Variants in LRRC4C observed in about 807,000 individuals in gnomAD.
The protein encoded by LRRC4C is leucine-rich repeat-containing protein 4C.
Under a neutral mutation model 33.6 loss-of-function variants are expected in LRRC4C, and 5 were observed. The ratio of observed to expected loss-of-function variants is 0.15; its 90% CI spans 0.08 to 0.31. The LOEUF (loss-of-function observed/expected upper bound fraction) is 0.31, where lower values mean the gene tolerates loss of function less well. LRRC4C is among the 10% of genes least tolerant of loss of function. The pLI is 1.00. For synonymous variants in LRRC4C, 329 were observed against 302.0 expected, an observed-to-expected ratio of 1.09 and a Z score of -0.93; for missense variants, 560 against 796.7, an observed-to-expected ratio of 0.70 and a Z score of 3.58.
chr11:40,874,475 T>A (rs1469348174), intron 2 of LRRC4C, among the ~76,000 whole-genome samples: 1 of 152,176 alleles, frequency 6.6e-6, no homozygotes, highest in African/African-American at 2.4e-5. Flanking sequence ...TACTTTGGAA[T>A]GAATAAAGCT....
intron 2 of LRRC4C, among the ~76,000 whole-genome samples, chr11:40,839,531 C>T (rs1365196923): frequency 1.3e-5 from 2 of 152,160 alleles, no homozygotes; most frequent in African/African-American, 4.8e-5. Flanking sequence ...CAGGCGTGAG[C>T]CACCGCGCCT....
intron 3 of LRRC4C, among the ~76,000 whole-genome samples, chr11:40,586,716 A>G (rs1395217894): frequency 7.3e-5 from 11 of 150,418 alleles, no homozygotes; most frequent in Non-Finnish European, 1.6e-4. Flanking sequence ...TCCCAGCACC[A>G]TTTATTAAAT....
chr11:40,335,545 A>G (rs1946559794), intron 3 of LRRC4C, among the ~76,000 whole-genome samples: 1 of 152,232 alleles, frequency 6.6e-6, no homozygotes, highest in Non-Finnish European at 1.5e-5. Flanking sequence ...GTATTATGTG[A>G]TTAGGATGGA....
rs141472108 is a variant in LRRC4C, at chr11:41,004,111, A to G, written c.-495-70388T>C. Among the ~76,000 whole-genome samples the G allele has an allele frequency of 3.8e-3, 585 of 152,296 alleles. 4 individuals carry two copies. Among genetic ancestry groups the G allele is most frequent in the Middle Eastern group, 6.8e-3 (2 of 294 alleles). On this transcript the variant is annotated intron_variant, in intron 1 of 6. Transcript: ENST00000528697. ...CCCATTGTTCACTTCTATTGTCAAT[A>G]GGCCTGTGGTAGGTTGGCACATCAG...
intron 1 of LRRC4C, among the ~76,000 whole-genome samples, chr11:41,227,215 T>C (rs1947580556): frequency 6.6e-6 from 1 of 151,996 alleles, no homozygotes; most frequent in South Asian, 2.1e-4. Context: ...CGAAGTACTA[T>C]GTCATCAGTA....
chr11:41,394,545 T>G (rs532294620), intron 1 of LRRC4C: 11 of 151,860 alleles, frequency 7.2e-5, no homozygotes, highest in African/African-American at 2.7e-4. Flanking sequence ...TCATCAGAAA[T>G]AATGTGGTTA....
chr11:40,640,923 GA>G (rs1565589213), intron 3 of LRRC4C, among the ~76,000 whole-genome samples: 4 of 147,790 alleles, frequency 2.7e-5, no homozygotes, highest in Non-Finnish European at 5.9e-5. Context: ...GGCTGAGGCA[GA>G]AGAATGGCGT....
chr11:40,933,008 T>C (rs1957697772), intron 2 of LRRC4C, among the ~76,000 whole-genome samples: 1 of 152,042 alleles, frequency 6.6e-6, no homozygotes, highest in Non-Finnish European at 1.5e-5. Flanking sequence ...ACAAGAAAAA[T>C]ATGCCAGGGG....
chr11:40,158,129 T>C (rs1858857779), intron 5 of LRRC4C, among the ~76,000 whole-genome samples: 2 of 152,150 alleles, frequency 1.3e-5, no homozygotes, highest in Non-Finnish European at 2.9e-5. Flanking sequence ...TGGATGAGAT[T>C]GGAGACTATT....
At position 41,072,588 on chromosome 11, in the gene LRRC4C, G is replaced by A. The variant is rs117724810; in HGVS notation, c.-495-138865C>T. On this transcript the variant is annotated intron_variant, in intron 1 of 6. Coordinates refer to ENST00000528697, the MANE Select transcript of LRRC4C (RefSeq NM_001258419.2). ...TGATTGTAAGTTTTCTGAGACCTCC[G>A]CAGCCATGCTTCCTGTACAGCCTGT... 1.3e-3 allele frequency among the ~76,000 whole-genome samples: 203 copies of A among 152,024 alleles called. 3 individuals are homozygous for A. In the East Asian group the frequency reaches 0.035, roughly 26 times the overall value.
intron 3 of LRRC4C, among the ~76,000 whole-genome samples, chr11:40,546,982 G>A (rs1956950189): frequency 6.6e-6 from 1 of 152,112 alleles, no homozygotes; most frequent in Admixed American, 6.6e-5. Flanking sequence ...CAGTACTTGG[G>A]TTCGTTACAG....
chr11:40,582,812 C>T (rs1230836302), intron 3 of LRRC4C, among the ~76,000 whole-genome samples: 1 of 145,730 alleles, frequency 6.9e-6, no homozygotes, highest in Non-Finnish European at 1.5e-5. Flanking sequence ...CCCCCACGCC[C>T]AGCCTGTTCA....
At chr11:41,094,568 C>T (rs1001189175) in intron 1 of LRRC4C, among the ~76,000 whole-genome samples, 34 of 151,946 alleles carry the variant, frequency 2.2e-4, no homozygotes, top group African/African-American at 8.2e-4. Flanking sequence ...ACTGAGAGAA[C>T]TCTTCTTTAA....
At chr11:40,688,495 G>T (rs1014421909) in intron 2 of LRRC4C, among the ~76,000 whole-genome samples, 1 of 151,928 alleles carries the variant, frequency 6.6e-6, no homozygotes, top group Non-Finnish European at 1.5e-5. Flanking sequence ...CAGAAATTAG[G>T]CATCAAATGT....
chr11:40,463,052 T>G (rs1173979068), intron 3 of LRRC4C, among the ~76,000 whole-genome samples: 1 of 152,086 alleles, frequency 6.6e-6, no homozygotes, highest in South Asian at 2.1e-4. Flanking sequence ...TTCAATTAGC[T>G]CTGTGCCTGT....
At chr11:40,270,332 T>C (rs528914430) in intron 4 of LRRC4C, among the ~76,000 whole-genome samples, 1 of 152,112 alleles carries the variant, frequency 6.6e-6, no homozygotes, top group African/African-American at 2.4e-5. Flanking sequence ...GCCTCTCTCC[T>C]TAGCTTGAAA....
At chr11:40,502,251 T>C (rs1264786377) in intron 3 of LRRC4C, among the ~76,000 whole-genome samples, 2 of 152,242 alleles carry the variant, frequency 1.3e-5, no homozygotes, top group Non-Finnish European at 2.9e-5. Context: ...TGTCTTCTTC[T>C]GAGTCATCCA....
At chr11:40,885,142 AG>A (rs1418134560) in intron 2 of LRRC4C, among the ~76,000 whole-genome samples, 1 of 152,122 alleles carries the variant, frequency 6.6e-6, no homozygotes, top group Non-Finnish European at 1.5e-5. Flanking sequence ...GTTTGTATTT[AG>A]GCTTACTTTT....
chr11:41,100,723 T>C (rs1420481604), intron 1 of LRRC4C, among the ~76,000 whole-genome samples: 2 of 152,028 alleles, frequency 1.3e-5, no homozygotes, highest in African/African-American at 4.8e-5. Flanking sequence ...AAAAGGAGCA[T>C]GAATAGCCAA....
Sources: gnomAD v4.1 joint callset for allele counts (sites outside exome capture counted in the v4.1 genomes callset) on GRCh38, gnomAD v4.1.1 for gene constraint, MANE v1.5 for transcripts, NCBI Gene and HGNC (gene_info 2026-07-23, HGNC 2026-07-21) for gene names.